The following CPNE3 variants were observed in gnomAD, a reference collection of about 807,000 sequenced individuals.
The protein encoded by CPNE3 is copine 3.
In CPNE3, 68 loss-of-function variants were observed where a neutral mutation model predicts 63.9. The ratio of observed to expected loss-of-function variants is 1.06; its 90% confidence interval spans 0.87 to 1.30. CPNE3 has a LOEUF of 1.30. CPNE3 is among the 50% of genes most tolerant of loss of function. The pLI, the probability that CPNE3 is intolerant of heterozygous loss-of-function variation, is 0.00. For synonymous variants in CPNE3, 219 were observed against 197.5 expected (o/e 1.11, Z -0.91); for missense variants, 665 against 578.1 (o/e 1.15, Z -1.54).
intron 7 of CPNE3, among the ~76,000 whole-genome samples, chr8:86,538,352 G>A (rs1206171637): frequency 3.3e-5 from 5 of 152,104 alleles, no homozygotes; most frequent in Non-Finnish European, 7.4e-5. Flanking sequence ...TCCATCCCAG[G>A]CTACTGAGCG....
At chr8:86,540,204 G>A in intron 7 of CPNE3, 41 bp from the exon 8 acceptor site, 2 of 1,240,432 alleles carry the variant, frequency 1.6e-6, no homozygotes, top group South Asian at 2.4e-5. Flanking sequence ...TTAATGAACT[G>A]GAAGTTTTTC....
At position 86,561,415 on chromosome 8, in the gene CPNE3, A is replaced by C. The variant is rs967096285; in HGVS notation, c.*3005A>C. Reference sequence around the variant, plus strand: ...GGATAAAGTTATTTCTTGATGTGACAGAGTAGTGTGTTTTCATTTTTATTC... The same window carrying C: ...GGATAAAGTTATTTCTTGATGTGACCGAGTAGTGTGTTTTCATTTTTATTC... On this transcript the variant is annotated 3_prime_UTR_variant, in exon 17 of 17. Transcript: ENST00000517490. 6 of 152,234 alleles carry C rather than the reference A, an allele frequency of 3.9e-5. No individual in the cohort carries two copies. Among genetic ancestry groups the C allele is most frequent in the Non-Finnish European group, 7.3e-5 (5 of 68,038 alleles). The allele number at this position is 152,234 out of a possible 1,614,324, so 9.4% of individuals were successfully genotyped here.
intron 3 of CPNE3, 129 bp from the exon 4 acceptor site, chr8:86,528,816 A>T (rs1820600490): frequency 2.3e-6 from 3 of 1,323,820 alleles, no homozygotes; most frequent in Non-Finnish European, 3.0e-6. Flanking sequence ...TGATTGTAGA[A>T]TTTTTCATAC....
In CPNE3 at chr8:86,558,394, A is replaced by G. The variant is rs1821369046; in HGVS notation, c.1598A>G (p.Lys533Arg). The G allele has an allele frequency of 2.3e-6, 2 of 872,840 alleles. No homozygotes were observed. Among genetic ancestry groups the G allele is most frequent in the Non-Finnish European group, 2.0e-6 (1 of 501,672 alleles). 54.1% of individuals were successfully genotyped at this position (872,840 alleles called of 1,614,324 possible). Residue 533 changes from lysine (K) to arginine (R), a missense_variant, in exon 17 of 17, where the codon AAA (lysine) becomes AGA (arginine). Physicochemically the swap from Lys to Arg is conservative, Grantham distance 26. Transcript: ENST00000517490. ...KLLPPKNPAT[K>R]QQKQ ...CTTCCTCCCAAGAACCCAGCCACGA[A>G]ACAACAGAAGCAGTGACCACTTCAA...
intron 12 of CPNE3, among the ~76,000 whole-genome samples, chr8:86,550,731 A>G (rs1349336725): frequency 3.3e-5 from 5 of 152,210 alleles, no homozygotes; most frequent in African/African-American, 1.2e-4. Context: ...GGCTTCATGT[A>G]TTTATTTACT....
chr8:86,534,547 TTGGGA>T (rs1232965417), intron 6 of CPNE3, among the ~76,000 whole-genome samples: 1 of 152,066 alleles, frequency 6.6e-6, no homozygotes, highest in Non-Finnish European at 1.5e-5. Context: ...TCCCAGCTAC[TTGGGA>T]GGCTGAGGCA....
Position 86,546,998 on chromosome 8 carries a change from C to A in CPNE3, c.819+317C>A, listed in dbSNP as rs143444918. Among the ~76,000 whole-genome samples, 438 of 152,138 alleles carry A rather than the reference C, an allele frequency of 2.9e-3. 5 individuals carry two copies. The highest frequency in any genetic ancestry group is 9.9e-3 in the African/African-American group (411 of 41,512). ...TGCTGGGATTACAGGTGTGAGCCAC[C>A]GCATCCGACCCAAGCCTTGGCTACT... On this transcript the variant is annotated intron_variant, in intron 10 of 16. Transcript: ENST00000517490.
At chr8:86,542,675 A>G (rs1293900862) in intron 8 of CPNE3, among the ~76,000 whole-genome samples, 1 of 151,980 alleles carries the variant, frequency 6.6e-6, no homozygotes, top group Non-Finnish European at 1.5e-5. Context: ...TAAAAAGCCA[A>G]TAATACTGGT....
In CPNE3 at chr8:86,546,360, G is replaced by T. The variant is rs866012581; in HGVS notation, c.733-235G>T. On this transcript the variant is annotated intron_variant, in intron 9 of 16. Transcript: ENST00000517490. The stretch of plus-strand genomic sequence containing the variant: ...ACCTGCAGAGGTAAAATTTATTTGG[G>T]AGAAATATTTTGAAAGGTATGCAAT... Among the ~76,000 whole-genome samples, 5 of 152,180 alleles carry T rather than the reference G, an allele frequency of 3.3e-5. No homozygotes were observed. The South Asian group carries it at 8.3e-4, about 25-fold the overall frequency.
rs559903216 is a variant in CPNE3, at chr8:86,537,777, C to T, written c.543+131C>T. ...TTACATATAGCCAGAGACACAAGAT[C>T]ACCATGTTCATATTTTTTTCTTTCA... On this transcript the variant is annotated intron_variant, in intron 7 of 16. Transcript: ENST00000517490. 1.1e-4 allele frequency: 66 copies of T among 625,442 alleles called. No individual in the cohort carries two copies. The African/African-American group carries it at 1.1e-3, about 10-fold the overall frequency. The allele number at this position is 625,442 out of a possible 1,614,324, so 38.7% of individuals were successfully genotyped here. A position where few individuals can be genotyped will look rare whatever the true frequency, so the allele number is the denominator to read the frequency against.
At chr8:86,552,972 C>CCCCCCCCCCCCCCA (rs1554602826) in intron 14 of CPNE3, among the ~76,000 whole-genome samples, 1 of 18,934 alleles carries the variant, frequency 5.3e-5, no homozygotes, top group African/African-American at 1.3e-4. Flanking sequence ...GCCCCCCCCC[C>CCCCCCCCCCCCCCA]CCCCCCGCCC....
intron 6 of CPNE3, among the ~76,000 whole-genome samples, chr8:86,533,366 A>G (rs750777155): frequency 5.1e-4 from 77 of 152,148 alleles, no homozygotes; most frequent in Non-Finnish European, 8.5e-4. Flanking sequence ...AACATGGCGA[A>G]ACCCCATCTC....
In CPNE3 at chr8:86,560,528, T is replaced by G. The variant is rs1042977219; in HGVS notation, c.*2118T>G. On this transcript the variant is annotated 3_prime_UTR_variant, in exon 17 of 17. Transcript: ENST00000517490. Reference sequence around the variant, plus strand: ...CTTCAGCCAAATAACAGGTAATCACTGTCAATTGGATTTGGTCTTCATTAT... The same window carrying G: ...CTTCAGCCAAATAACAGGTAATCACGGTCAATTGGATTTGGTCTTCATTAT... 35 of 152,152 alleles carry G rather than the reference T, an allele frequency of 2.3e-4. No individual in the cohort carries two copies. Among genetic ancestry groups the G allele is most frequent in the African/African-American group, 7.0e-4 (29 of 41,426 alleles). The allele number at this position is 152,152 out of a possible 1,614,324, so 9.4% of individuals were successfully genotyped here. A position where few individuals can be genotyped will look rare whatever the true frequency, so the allele number is the denominator to read the frequency against.
In CPNE3 at chr8:86,532,543, T is replaced by C; in HGVS notation, c.422T>C (p.Val141Ala). 5 of 1,613,202 alleles carry C rather than the reference T, an allele frequency of 3.1e-6. No individual in the cohort carries two copies. The highest frequency in any genetic ancestry group is 4.2e-6 in the Non-Finnish European group (5 of 1,179,578). Residue 141 changes from valine (V) to alanine (A), a missense_variant, in exon 6 of 17, where the codon GTC becomes GCC. Physicochemically the swap from Val to Ala is moderately conservative, Grantham distance 64 (BLOSUM62 0). Coordinates refer to ENST00000517490, the MANE Select transcript of CPNE3 (RefSeq NM_003909.5). Reference protein sequence around the residue: ...SAEEIKDNRVVLFEMEARKLD... With the variant: ...SAEEIKDNRVALFEMEARKLD... Reference sequence around the variant, plus strand: ...GAAGAAATAAAAGATAATAGAGTGGTCTTGTTTGAAATGGAAGCCAGAAAA... The same window carrying C: ...GAAGAAATAAAAGATAATAGAGTGGCCTTGTTTGAAATGGAAGCCAGAAAA...
intron 2 of CPNE3, among the ~76,000 whole-genome samples, chr8:86,524,010 T>C (rs1820487661): frequency 6.6e-6 from 1 of 152,112 alleles, no homozygotes; most frequent in African/African-American, 2.4e-5. Context: ...TAATCAGAAG[T>C]GATAAAACCA....
At position 86,529,110 on chromosome 8, in the gene CPNE3, T is replaced by G; in HGVS notation, c.298T>G (p.Cys100Gly). Residue 100 changes from cysteine (C) to glycine (G), a missense_variant, in exon 4 of 17, where the codon TGT becomes GGT. Coordinates refer to ENST00000517490, the MANE Select transcript of CPNE3 (RefSeq NM_003909.5). ...TGATGACTTCTTAGGGGAATGTGAA[T>G]GTACCCTTGGACAAGTAAGTATAAA... ...SDDDFLGECECTLGQIVSSKK... is the reference protein window; with the variant it reads ...SDDDFLGECEGTLGQIVSSKK... The G allele has an allele frequency of 2.5e-6, 4 of 1,613,640 alleles. No individual in the cohort carries two copies. Among genetic ancestry groups the G allele is most frequent in the Non-Finnish European group, 3.4e-6 (4 of 1,179,742 alleles).
rs138944233 is a variant in CPNE3, at chr8:86,555,001, C to T, written c.1254+17C>T. ...ACAGCTTCTGTAAGTGCTCTATGGCCAGGGAATGGGAAGAATGTGGATTGG... is the reference window on the plus strand; with the variant it reads ...ACAGCTTCTGTAAGTGCTCTATGGCTAGGGAATGGGAAGAATGTGGATTGG... On this transcript the variant is annotated intron_variant, in intron 15 of 16. Transcript: ENST00000517490. 339 of 1,613,616 alleles carry T rather than the reference C, an allele frequency of 2.1e-4. 1 individual carries two copies. In the African/African-American group the frequency reaches 4.0e-3, roughly 19 times the overall value.
At chr8:86,527,971 T>TTTTTTTTTTTTG (rs1554600279) in intron 2 of CPNE3, among the ~76,000 whole-genome samples, 3 of 141,874 alleles carry the variant, frequency 2.1e-5, no homozygotes, top group Admixed American at 1.5e-4. Context: ...TTTTTTTTTT[T>TTTTTTTTTTTTG]AGACAGAGTC....
intron 2 of CPNE3, among the ~76,000 whole-genome samples, chr8:86,525,777 A>G (rs77031668): frequency 4.6e-5 from 7 of 152,270 alleles, no homozygotes; most frequent in African/African-American, 1.4e-4. Context: ...AATCCTCTAC[A>G]TGTTTTTTTG....
Sources: gnomAD v4.1 joint callset for allele counts (sites outside exome capture counted in the v4.1 genomes callset) on GRCh38, gnomAD v4.1.1 for gene constraint, MANE v1.5 for transcripts, NCBI Gene and HGNC (gene_info 2026-07-23, HGNC 2026-07-21) for gene names.